GLRX3: variants seen among roughly 807,000 people sequenced by gnomAD.
The protein encoded by GLRX3 is glutaredoxin-3.
A neutral mutation model predicts 49.5 loss-of-function variants in GLRX3; 22 were observed. That is an observed-to-expected ratio of 0.44 (90% CI 0.32 to 0.63). The LOEUF is 0.63. GLRX3 is among the 30% of genes least tolerant of loss of function. The pLI is 0.05. For missense variants in GLRX3, 385 were observed against 396.3 expected (o/e 0.97, Z 0.24); for synonymous variants, 133 against 140.0 (o/e 0.95, Z 0.35).
chr10:130,140,381 A>G (rs185458011), intron 1 of GLRX3, among the ~76,000 whole-genome samples: 1 of 152,248 alleles, frequency 6.6e-6, no homozygotes, highest in Non-Finnish European at 1.5e-5. Flanking sequence ...GTAATCCAAA[A>G]GGGGATAACG....
At chr10:130,143,418 A>AT (rs1862211318) in intron 1 of GLRX3, among the ~76,000 whole-genome samples, 2 of 152,152 alleles carry the variant, frequency 1.3e-5, no homozygotes, top group Non-Finnish European at 2.9e-5. Context: ...AAACTGAAGG[A>AT]TTTTTTAGTT....
chr10:130,144,179 T>A (rs1862226508), intron 1 of GLRX3, among the ~76,000 whole-genome samples: 1 of 152,094 alleles, frequency 6.6e-6, no homozygotes, highest in African/African-American at 2.4e-5. Flanking sequence ...AATAATGATA[T>A]TATTAGTAAT....
intron 1 of GLRX3, among the ~76,000 whole-genome samples, chr10:130,139,539 A>G (rs1375666292): frequency 6.6e-6 from 1 of 151,626 alleles, no homozygotes; most frequent in Admixed American, 6.6e-5. Flanking sequence ...TTACTCGGGA[A>G]GCTGAGGCAG....
intron 8 of GLRX3, among the ~76,000 whole-genome samples, chr10:130,172,248 A>G (rs189133990): frequency 2.0e-5 from 3 of 152,316 alleles, no homozygotes; most frequent in South Asian, 2.1e-4. Context: ...GGAATATATT[A>G]TAGGTAGTTT....
At chr10:130,175,317 G>A (rs902354440) in intron 10 of GLRX3, among the ~76,000 whole-genome samples, 1 of 152,256 alleles carries the variant, frequency 6.6e-6, no homozygotes, top group Non-Finnish European at 1.5e-5. Context: ...GCTAACCATT[G>A]CATCTCCTTT....
chr10:130,136,808 C>T (rs1393542143), intron 1 of GLRX3, among the ~76,000 whole-genome samples: 1 of 152,078 alleles, frequency 6.6e-6, no homozygotes, highest in Non-Finnish European at 1.5e-5. Flanking sequence ...CGCGACCTTC[C>T]CGGCCTCTGG....
At chr10:130,152,674 T>A (rs983366968) in intron 2 of GLRX3, among the ~76,000 whole-genome samples, 1 of 152,222 alleles carries the variant, frequency 6.6e-6, no homozygotes, top group African/African-American at 2.4e-5. Flanking sequence ...AGATCTGCTG[T>A]TAGTCTGATA....
intron 8 of GLRX3, among the ~76,000 whole-genome samples, chr10:130,173,898 G>C (rs1400257239): frequency 6.6e-6 from 1 of 152,094 alleles, no homozygotes; most frequent in Non-Finnish European, 1.5e-5. Flanking sequence ...AAATAAACAA[G>C]ATTTCCCTAT....
chr10:130,158,813 A>G (rs1862524470), intron 2 of GLRX3, among the ~76,000 whole-genome samples: 1 of 152,198 alleles, frequency 6.6e-6, no homozygotes, highest in Admixed American at 6.5e-5. Flanking sequence ...TGTTGATTTT[A>G]TAGAATTTTC....
intron 2 of GLRX3, among the ~76,000 whole-genome samples, chr10:130,155,481 T>A (rs66757412): frequency 0.27 from 40,596 of 151,934 alleles, 5,439 homozygotes; most frequent in South Asian, 0.35. Flanking sequence ...CTGAGTGGGA[T>A]TATATTTTGG....
At chr10:130,175,492 G>A (rs1195716261) in intron 10 of GLRX3, among the ~76,000 whole-genome samples, 4 of 152,236 alleles carry the variant, frequency 2.6e-5, no homozygotes, top group Admixed American at 1.3e-4. Flanking sequence ...CACAGAGGCT[G>A]AGGATCACTG....
chr10:130,176,774 T>TCTTTC (rs374416663), intron 10 of GLRX3, among the ~76,000 whole-genome samples: 176 of 110,976 alleles, frequency 1.6e-3, no homozygotes, highest in Non-Finnish European at 2.5e-3. Context: ...CCCTCCCTCT[T>TCTTTC]TCTCTCTCTC....
intron 2 of GLRX3, 49 bp from the exon 3 acceptor site, chr10:130,159,946 G>C (rs1570795): frequency 0.25 from 330,512 of 1,343,378 alleles, 43,011 homozygotes; most frequent in South Asian, 0.3. Flanking sequence ...TATTAAAGTA[G>C]TGAAAAAGGA....
chr10:130,152,689 T>C (rs1477428466), intron 2 of GLRX3, among the ~76,000 whole-genome samples: 1 of 152,178 alleles, frequency 6.6e-6, no homozygotes, highest in Non-Finnish European at 1.5e-5. Flanking sequence ...CTGATAGCCT[T>C]CCCTTTGTGG....
At chr10:130,141,497 AGCCCAGC>A in intron 1 of GLRX3, among the ~76,000 whole-genome samples, 1 of 152,266 alleles carries the variant, frequency 6.6e-6, no homozygotes, top group Middle Eastern at 3.4e-3. Context: ...CATCCCCTTT[AGCCCAGC>A]TACTGATTTC....
chr10:130,170,298 T>C (rs1327541776), intron 7 of GLRX3, among the ~76,000 whole-genome samples: 1 of 152,220 alleles, frequency 6.6e-6, no homozygotes, highest in African/African-American at 2.4e-5. Context: ...GCCTCACTTG[T>C]TAGCAAGATG....
At chr10:130,170,915 T>G (rs191956380) in intron 7 of GLRX3, among the ~76,000 whole-genome samples, 97 of 152,114 alleles carry the variant, frequency 6.4e-4, no homozygotes, top group Non-Finnish European at 1.1e-3. Context: ...AGGTCCGAGG[T>G]CAAGAGATCG....
intron 1 of GLRX3, among the ~76,000 whole-genome samples, chr10:130,138,858 T>G (rs1409014072): frequency 2.0e-5 from 3 of 147,916 alleles, no homozygotes; most frequent in Non-Finnish European, 4.5e-5. Context: ...TTTTTTTTTT[T>G]TTTTTTTTTT....
intron 2 of GLRX3, among the ~76,000 whole-genome samples, 160 bp downstream of exon 2, chr10:130,145,479 A>G (rs1862254777): frequency 6.6e-6 from 1 of 152,096 alleles, no homozygotes; most frequent in African/African-American, 2.4e-5. Context: ...CCCAGCCAAC[A>G]TAGTGAAACC....
Sources: allele counts gnomAD v4.1 joint callset (sites outside exome capture counted in the v4.1 genomes callset), GRCh38; gene constraint gnomAD v4.1.1; transcripts MANE v1.5; gene names NCBI Gene and HGNC (gene_info 2026-07-23, HGNC 2026-07-21).